Variants in GLRA2 observed in about 807,000 individuals in gnomAD.
The protein encoded by GLRA2 is glycine receptor alpha 2, also known as glycine receptor subunit alpha-2.
A neutral mutation model predicts 31.6 loss-of-function variants in GLRA2; 11 were observed. That is an observed-to-expected ratio of 0.35 (90% CI 0.22 to 0.58). GLRA2 has a LOEUF of 0.58. GLRA2 is among the 20% of genes least tolerant of loss of function. The pLI is 0.84. For missense variants in GLRA2, 212 were observed against 351.8 expected, an observed-to-expected ratio of 0.60 and a Z score of 3.18; for synonymous variants, 132 against 134.0, an observed-to-expected ratio of 0.99 and a Z score of 0.10.
intron 7 of GLRA2, among the ~76,000 whole-genome samples, chrX:14,684,054 A>G (rs1157411580): frequency 9.0e-6 from 1 of 111,243 alleles, no homozygotes; most frequent in Non-Finnish European, 1.9e-5. Flanking sequence ...AAACTAAAAA[A>G]TAAATAAATA....
At chrX:14,629,253 T>C (rs771138603) in intron 7 of GLRA2, among the ~76,000 whole-genome samples, 1 of 111,115 alleles carries the variant, frequency 9.0e-6, no homozygotes, top group East Asian at 2.9e-4. Context: ...GCATGAATAA[T>C]AGAGAAGGAA....
upstream of GLRA2, among the ~76,000 whole-genome samples, chrX:14,527,482 G>T (rs1002313982): frequency 9.1e-6 from 1 of 110,359 alleles, no homozygotes; most frequent in Non-Finnish European, 1.9e-5. Flanking sequence ...GGGTATGGTG[G>T]CATGTGATTG....
At chrX:14,557,201 C>T (rs1254468020) in intron 2 of GLRA2, among the ~76,000 whole-genome samples, 1 of 97,774 alleles carries the variant, frequency 1.0e-5, no homozygotes, top group Non-Finnish European at 2.0e-5. Flanking sequence ...CTGTAAGCTC[C>T]GCCTCCTGGG....
At chrX:14,459,709 T>C in the GLRA2 span, among the ~76,000 whole-genome samples, 1 of 111,988 alleles carries the variant, frequency 8.9e-6, no homozygotes, top group Non-Finnish European at 1.9e-5. Flanking sequence ...CTTGTGATTT[T>C]TGCACATTGA....
chrX:14,662,202 T>G (rs1378123975), intron 7 of GLRA2, among the ~76,000 whole-genome samples: 1 of 110,114 alleles, frequency 9.1e-6, no homozygotes, highest in East Asian at 2.8e-4. Flanking sequence ...TGAGAATAAA[T>G]TATACATTTT....
At chrX:14,472,146 A>ATAGGTTGCCT in the GLRA2 span, among the ~76,000 whole-genome samples, 2 of 111,974 alleles carry the variant, frequency 1.8e-5, no homozygotes, top group Admixed American at 1.9e-4. Context: ...CACTGTTCAA[A>ATAGGTTGCCT]TAGGTTGCCT....
chrX:14,715,520 C>G (rs1257849976), intron 8 of GLRA2, among the ~76,000 whole-genome samples: 2 of 111,194 alleles, frequency 1.8e-5, no homozygotes, highest in Non-Finnish European at 3.8e-5. Context: ...GAGGCAGACA[C>G]GTAAATAGTT....
chrX:14,530,071 T>A lies in GLRA2; in HGVS notation c.14T>A (p.Leu5Gln). The part of the protein sequence containing the change: MNRQ[L>Q]VNILTALFAF... ...ACAGAAACAGGAATGAACCGGCAGC[T>A]AGTGAACATTTTGACAGCCTTGTTT... Residue 5 changes from leucine (L) to glutamine (Q), a missense_variant, in exon 1 of 9, where the codon CTA (leucine) becomes CAA (glutamine). Physicochemically the swap from Leu to Gln is moderately radical, Grantham distance 113 (BLOSUM62 -2). Coordinates refer to ENST00000218075, the MANE Select transcript of GLRA2 (RefSeq NM_002063.4). 8.3e-7 allele frequency: 1 copy of A among 1,201,263 alleles called. No homozygotes were observed. The highest frequency in any genetic ancestry group is 1.1e-6 in the Non-Finnish European group (1 of 885,748).
chrX:14,679,100 A>ACACCACCAC (rs748032911), intron 7 of GLRA2, among the ~76,000 whole-genome samples: 2 of 109,822 alleles, frequency 1.8e-5, no homozygotes, highest in Non-Finnish European at 3.8e-5. Flanking sequence ...CTCAACATAC[A>ACACCACCAC]CACCACCACC....
chrX:14,683,229 T>C (rs1269801114), intron 7 of GLRA2, among the ~76,000 whole-genome samples: 1 of 111,980 alleles, frequency 8.9e-6, no homozygotes, highest in African/African-American at 3.2e-5. Flanking sequence ...CCTGACTTTT[T>C]AATGATGGCC....
At chrX:14,449,001 C>A in the GLRA2 span, among the ~76,000 whole-genome samples, 1 of 111,808 alleles carries the variant, frequency 8.9e-6, no homozygotes, top group East Asian at 2.8e-4. Flanking sequence ...CCCCGCCACC[C>A]CACCCGCTGA....
the GLRA2 span, among the ~76,000 whole-genome samples, chrX:14,455,344 A>G: frequency 1.8e-5 from 2 of 111,921 alleles, no homozygotes; most frequent in Non-Finnish European, 3.8e-5. Flanking sequence ...GCATGATTTC[A>G]GAAAACATCT....
chrX:14,566,466 C>T (rs2089808073), intron 2 of GLRA2, among the ~76,000 whole-genome samples: 1 of 111,892 alleles, frequency 8.9e-6, no homozygotes, highest in African/African-American at 3.2e-5. Flanking sequence ...ACTCTAATAC[C>T]AAAGTCAGAT....
intron 1 of GLRA2, chrX:14,530,993 T>C (rs2089247309): frequency 2.3e-6 from 2 of 888,668 alleles, no homozygotes; most frequent in African/African-American, 4.2e-5. Flanking sequence ...ATGGAACACA[T>C]AGTAATAATG....
chrX:14,513,382 C>T, the GLRA2 span, among the ~76,000 whole-genome samples: 1 of 111,451 alleles, frequency 9.0e-6, no homozygotes, highest in African/African-American at 3.3e-5. Context: ...ACCAAGAACC[C>T]AAAAGCAAAT....
the GLRA2 span, among the ~76,000 whole-genome samples, chrX:14,520,138 A>T: frequency 6.2e-5 from 7 of 112,126 alleles, no homozygotes; most frequent in Non-Finnish European, 9.4e-5. Flanking sequence ...ATTTTATGGA[A>T]TGGGGGTTAG....
chrX:14,559,696 G>C (rs1334792565), intron 2 of GLRA2, among the ~76,000 whole-genome samples: 1 of 109,673 alleles, frequency 9.1e-6, no homozygotes, highest in Non-Finnish European at 1.9e-5. Context: ...TGGGATTATA[G>C]ACATGAGCCA....
chrX:14,679,584 G>A lies in GLRA2; in HGVS notation c.931-11126G>A, dbSNP rs780933058. Among the ~76,000 whole-genome samples, 17 of 110,528 alleles carry A rather than the reference G, an allele frequency of 1.5e-4. 1 individual carries two copies. In the South Asian group the frequency reaches 6.3e-3, roughly 41 times the overall value. On this transcript the variant is annotated intron_variant, in intron 7 of 8. Transcript: ENST00000218075. ...CCAGCCTAACTGTCCACCCCTCACC[G>A]TTAACTCCCAGGTGCCCAGCATATC...
intron 7 of GLRA2, among the ~76,000 whole-genome samples, chrX:14,618,162 T>G (rs1268493925): frequency 1.8e-5 from 2 of 112,117 alleles, no homozygotes; most frequent in Non-Finnish European, 3.8e-5. Context: ...TCAAATTCTT[T>G]GGAAAAGTTT....
Sources: allele counts gnomAD v4.1 joint callset (sites outside exome capture counted in the v4.1 genomes callset), GRCh38; gene constraint gnomAD v4.1.1; transcripts MANE v1.5; gene names NCBI Gene and HGNC (gene_info 2026-07-23, HGNC 2026-07-21).